The following BDNF variants were observed in gnomAD, a reference collection of about 807,000 sequenced individuals.
The protein encoded by BDNF is brain derived neurotrophic factor, also known as neurotrophic factor BDNF precursor form.
Under a neutral mutation model 19.5 loss-of-function variants are expected in BDNF, and 1 was observed. That is an observed-to-expected ratio of 0.05 (90% CI 0.02 to 0.24). The LOEUF is 0.24. Among genes scored for constraint, BDNF ranks in the 10% least tolerant of loss-of-function variants. The probability of loss-of-function intolerance (pLI) is 1.00; values close to 1 mark genes in which losing one functional copy is unlikely to be tolerated. For missense variants in BDNF, 195 were observed against 317.6 expected, an observed-to-expected ratio of 0.61 and a Z score of 2.93; for synonymous variants, 100 against 121.6, an observed-to-expected ratio of 0.82 and a Z score of 1.17.
chr11:27,690,692 T>G (rs1473327416), intron 1 of BDNF, among the ~76,000 whole-genome samples: 3 of 152,202 alleles, frequency 2.0e-5, no homozygotes, highest in African/African-American at 7.2e-5. Flanking sequence ...TGTTACTAAA[T>G]TACTAAATTT....
chr11:27,708,335 T>C (rs916018481), intron 1 of BDNF, among the ~76,000 whole-genome samples: 1 of 152,214 alleles, frequency 6.6e-6, no homozygotes, highest in African/African-American at 2.4e-5. Context: ...TTCCATTACC[T>C]TCCATCTTGT....
At chr11:27,660,586 T>C (rs1482339937) in intron 1 of BDNF, among the ~76,000 whole-genome samples, 1 of 152,160 alleles carries the variant, frequency 6.6e-6, no homozygotes, top group East Asian at 1.9e-4. Flanking sequence ...TTTAGGTCAA[T>C]AAAAGTTTGC....
intron 1 of BDNF, among the ~76,000 whole-genome samples, chr11:27,673,302 G>A (rs1224045168): frequency 1.3e-5 from 2 of 151,766 alleles, no homozygotes; most frequent in African/African-American, 4.8e-5. Context: ...TCCCTAAAGG[G>A]AGAACATGCA....
chr11:27,697,145 A>ACG (rs1564985039), intron 1 of BDNF, among the ~76,000 whole-genome samples: 16 of 97,614 alleles, frequency 1.6e-4, no homozygotes, highest in African/African-American at 7.6e-4. Context: ...ACGTGCACGC[A>ACG]CACACACACA....
intron 1 of BDNF, among the ~76,000 whole-genome samples, chr11:27,667,080 T>TACAAGC (rs1854480565): frequency 6.7e-6 from 1 of 150,026 alleles, no homozygotes; most frequent in Non-Finnish European, 1.5e-5. Flanking sequence ...CGGCAGAAAC[T>TACAAGC]CTACAAGCCA....
At chr11:27,714,447 A>T (rs1860443218) in intron 1 of BDNF, among the ~76,000 whole-genome samples, 1 of 152,178 alleles carries the variant, frequency 6.6e-6, no homozygotes, top group African/African-American at 2.4e-5. Flanking sequence ...TTGCACAAAG[A>T]AAATAAGCAG....
At chr11:27,689,748 T>A (rs1192892512) in intron 1 of BDNF, among the ~76,000 whole-genome samples, 1 of 152,228 alleles carries the variant, frequency 6.6e-6, no homozygotes, top group African/African-American at 2.4e-5. Context: ...ATGTGCAGAA[T>A]GTGCAGGTTT....
intron 1 of BDNF, among the ~76,000 whole-genome samples, chr11:27,694,028 C>A (rs1858651120): frequency 6.6e-6 from 1 of 151,922 alleles, no homozygotes; most frequent in South Asian, 2.1e-4. Context: ...ATGAATAACA[C>A]AAAGCACAAA....
chr11:27,658,785 C>T lies in BDNF; in HGVS notation c.-21-200G>A. Reference sequence around the variant, plus strand: ...TATGTGGTTTAATATAAACCAGAGACATGCAGTGTTTCCCCCAAGATCTAG... The same window carrying T: ...TATGTGGTTTAATATAAACCAGAGATATGCAGTGTTTCCCCCAAGATCTAG... On this transcript the variant is annotated intron_variant, in intron 1 of 1. Transcript: ENST00000356660. The surrounding 1 kb of genome is among the most constrained non-coding windows in gnomAD (Gnocchi z 5.7). The T allele has an allele frequency of 6.9e-7, 1 of 1,451,258 alleles. No homozygotes were observed. Among genetic ancestry groups the T allele is most frequent in the Non-Finnish European group, 9.1e-7 (1 of 1,101,514 alleles). 89.9% of individuals were successfully genotyped at this position (1,451,258 alleles called of 1,614,324 possible). A position where few individuals can be genotyped will look rare whatever the true frequency, so the allele number is the denominator to read the frequency against.
In BDNF at chr11:27,658,972, G is replaced by A; in HGVS notation, c.-21-387C>T. On this transcript the variant is annotated intron_variant, in intron 1 of 1. Coordinates refer to ENST00000356660, the MANE Select transcript of BDNF (RefSeq NM_001709.5). This position sits in a 1 kb window ranked among gnomAD's most constrained non-coding sequence, Gnocchi z 5.7. ...TCATAAATGTTACTAAGCAACAACT[G>A]CAAGTGTAATTAATAGTAATTTTTT... The A allele has an allele frequency of 1.8e-6, 2 of 1,106,980 alleles. No homozygotes were observed. The highest frequency in any genetic ancestry group is 2.2e-6 in the Non-Finnish European group (2 of 895,588). The allele number at this position is 1,106,980 out of a possible 1,614,324, so 68.6% of individuals were successfully genotyped here.
At chr11:27,702,008 C>T (rs1859925660), upstream of BDNF, among the ~76,000 whole-genome samples, 1 of 151,336 alleles carries the variant, frequency 6.6e-6, no homozygotes. Context: ...AGCAAATAGC[C>T]TTTCGGGTTC....
At chr11:27,703,851 T>C (rs1860007236), upstream of BDNF, among the ~76,000 whole-genome samples, 1 of 152,236 alleles carries the variant, frequency 6.6e-6, no homozygotes, top group African/African-American at 2.4e-5. Flanking sequence ...GCCAATACTG[T>C]ATGCGACCAG....
At chr11:27,675,616 C>T (rs1185631392) in intron 1 of BDNF, 4 of 152,112 alleles carry the variant, frequency 2.6e-5, no homozygotes, top group African/African-American at 9.7e-5. Context: ...GGTCTGACAC[C>T]CTATGCTACG....
chr11:27,698,731 TAGG>T (rs1333288080), intron 1 of BDNF, among the ~76,000 whole-genome samples: 5 of 152,192 alleles, frequency 3.3e-5, no homozygotes, highest in African/African-American at 1.2e-4. Flanking sequence ...AAAAGATTAC[TAGG>T]AGGATTAATA....
At chr11:27,721,275 TG>T (rs1860733228) in intron 1 of BDNF, 1 of 998,746 alleles carries the variant, frequency 1.0e-6, no homozygotes, top group Admixed American at 1.8e-5. Flanking sequence ...AGTTGCACTG[TG>T]TAAAAACCCG....
rs923370781 is a variant in BDNF at position 27,674,001 on chromosome 11, G to T, written c.-21-15416C>A. ...ACACTCCTTTTCAAACTATTATCAA[G>T]AAATCTTGGGGGAAAGATAAAATTA... On this transcript the variant is annotated intron_variant, in intron 1 of 1. Transcript: ENST00000356660. The T allele has an allele frequency of 3.4e-6, 5 of 1,472,916 alleles. No homozygotes were observed. The African/African-American group carries it at 5.6e-5, about 17-fold the overall frequency. 91.2% of individuals were successfully genotyped at this position (1,472,916 alleles called of 1,614,324 possible).
At chr11:27,660,790 A>AT (rs2133806980) in intron 1 of BDNF, among the ~76,000 whole-genome samples, 1 of 152,124 alleles carries the variant, frequency 6.6e-6, no homozygotes, top group Non-Finnish European at 1.5e-5. Context: ...AAAAAAAAGA[A>AT]TTAATGAACT....
At chr11:27,664,169 T>G (rs1347682167) in intron 1 of BDNF, among the ~76,000 whole-genome samples, 1 of 152,132 alleles carries the variant, frequency 6.6e-6, no homozygotes, top group Non-Finnish European at 1.5e-5. Flanking sequence ...GCTGAAGAAG[T>G]TATTAATATT....
chr11:27,686,514 A>G (rs1766487798), intron 1 of BDNF, among the ~76,000 whole-genome samples: 2 of 152,072 alleles, frequency 1.3e-5, no homozygotes, highest in African/African-American at 4.8e-5. Flanking sequence ...ACAATTTGGT[A>G]TGTTTCTGCA....
Sources: gnomAD v4.1 joint callset for allele counts (sites outside exome capture counted in the v4.1 genomes callset) on GRCh38, gnomAD v4.1.1 for gene constraint, Gnocchi (gnomAD v3.1) non-coding constraint, MANE v1.5 for transcripts, NCBI Gene and HGNC (gene_info 2026-07-23, HGNC 2026-07-21) for gene names.